Variants in PACS2 observed in about 807,000 individuals in gnomAD.
The protein encoded by PACS2 is phosphofurin acidic cluster sorting protein 2.
In PACS2, 36 loss-of-function variants were observed where a neutral mutation model predicts 113.0. That is an observed-to-expected ratio of 0.32 (90% CI 0.24 to 0.42). The LOEUF (loss-of-function observed/expected upper bound fraction) is 0.42, where lower values mean the gene tolerates loss of function less well. Among genes scored for constraint, PACS2 ranks in the 10% least tolerant of loss-of-function variants. The pLI, the probability that PACS2 is intolerant of heterozygous loss-of-function variation, is 1.00. For synonymous variants in PACS2, 589 were observed against 536.1 expected, an observed-to-expected ratio of 1.10 and a Z score of -1.36; for missense variants, 1,015 against 1,239.5, an observed-to-expected ratio of 0.82 and a Z score of 2.72.
In PACS2 at chr14:105,315,078, G is replaced by A; in HGVS notation, c.119+41G>A. The A allele has an allele frequency of 1.8e-6, 2 of 1,092,118 alleles. No individual in the cohort carries two copies. Among genetic ancestry groups the A allele is most frequent in the Admixed American group, 4.8e-5 (1 of 20,672 alleles). 67.7% of individuals were successfully genotyped at this position (1,092,118 alleles called of 1,614,324 possible). A position where few individuals can be genotyped will look rare whatever the true frequency, so the allele number is the denominator to read the frequency against. On this transcript the variant is annotated intron_variant, in intron 1 of 24. Coordinates refer to ENST00000447393, the MANE Select transcript of PACS2 (RefSeq NM_001100913.3). The surrounding 1 kb of genome is among the most constrained non-coding windows in gnomAD (Gnocchi z 4.4). The stretch of plus-strand genomic sequence containing the variant: ...CGCGCTTTGTTCCCGCCGGGCACCT[G>A]CTGGGGGTGTCCTGGCCGCGGCCTC...
intron 4 of PACS2, among the ~76,000 whole-genome samples, chr14:105,361,682 G>A (rs1009028030): frequency 6.6e-6 from 1 of 152,016 alleles, no homozygotes; most frequent in African/African-American, 2.4e-5. Context: ...GGGTGCAATG[G>A]CTCACGCCGG....
intron 1 of PACS2, among the ~76,000 whole-genome samples, chr14:105,339,915 A>G (rs1259154566): frequency 6.6e-6 from 1 of 152,102 alleles, no homozygotes; most frequent in Non-Finnish European, 1.5e-5. Flanking sequence ...AAGTCCTGGG[A>G]TTACAGGCAT....
intron 8 of PACS2, chr14:105,371,653 A>T (rs2061157941): frequency 6.6e-6 from 1 of 152,202 alleles, no homozygotes; most frequent in Non-Finnish European, 1.5e-5. Flanking sequence ...TAGGAGTGCC[A>T]CACCTGGCAC....
Position 105,330,649 on chromosome 14 carries a change from C to T in PACS2, c.119+15612C>T, listed in dbSNP as rs1485990007. The stretch of plus-strand genomic sequence containing the variant: ...CCTCGCCCCTGTCTCCACGGAGCAC[C>T]GTGGGACTCTGGCATCAGAATCCTG... On this transcript the variant is annotated intron_variant, in intron 1 of 24. Coordinates refer to ENST00000447393, the MANE Select transcript of PACS2 (RefSeq NM_001100913.3). The surrounding 1 kb of genome is among the most constrained non-coding windows in gnomAD (Gnocchi z 6.9). 2.0e-5 allele frequency among the ~76,000 whole-genome samples: 3 copies of T among 152,212 alleles called. No homozygotes were observed. Among genetic ancestry groups the T allele is most frequent in the African/African-American group, 4.8e-5 (2 of 41,460 alleles).
rs1555401306 is a variant in PACS2, at chr14:105,340,076, G to T, written c.120-8417G>T. Among the ~76,000 whole-genome samples the T allele has an allele frequency of 6.6e-6, 1 of 152,228 alleles. No homozygotes were observed. On this transcript the variant is annotated intron_variant, in intron 1 of 24. Coordinates refer to ENST00000447393, the MANE Select transcript of PACS2 (RefSeq NM_001100913.3). This position sits in a 1 kb window ranked among gnomAD's most constrained non-coding sequence, Gnocchi z 4.2. ...TTCCAAGTGTGAGCCACCGCGTCTG[G>T]CTAAGGAGTATTTTCCTTAGCAGAT...
At chr14:105,392,200 T>G (rs2081382864) in intron 22 of PACS2, 3 of 292,586 alleles carry the variant, frequency 1.0e-5, no homozygotes, top group South Asian at 8.4e-5. Flanking sequence ...CCATGGGGGG[T>G]TGTGGGCCCT....
chr14:105,335,050 A>C lies in PACS2; in HGVS notation c.120-13443A>C, dbSNP rs377281425. Among the ~76,000 whole-genome samples the C allele has an allele frequency of 7.8e-4, 119 of 152,366 alleles. 1 individual carries two copies. The East Asian group carries it at 0.015, about 20-fold the overall frequency. Reference sequence around the variant, plus strand: ...CCCTGGGCCTTCGGGTGACTGAGACAGAAGTACAGGCCCAGCAGGTCTGAG... The same window carrying C: ...CCCTGGGCCTTCGGGTGACTGAGACCGAAGTACAGGCCCAGCAGGTCTGAG... On this transcript the variant is annotated intron_variant, in intron 1 of 24. Coordinates refer to ENST00000447393, the MANE Select transcript of PACS2 (RefSeq NM_001100913.3).
intron 21 of PACS2, 112 bp from the exon 22 acceptor site, chr14:105,391,512 TCCCACCC>T: frequency 5.2e-5 from 32 of 611,268 alleles, no homozygotes; most frequent in Non-Finnish European, 7.2e-5. Flanking sequence ...CACTGGGGAC[TCCCACCC>T]TGCCCACCCC....
Position 105,357,743 on chromosome 14 carries a change from G to A in PACS2, c.423+2566G>A, listed in dbSNP as rs1358769193. ...TCTCACCAGCTGGGCTCAGGCAGCT[G>A]TGCCATGGGGGCTTGCTGGCTCCGA... is the stretch of plus-strand genomic sequence containing the variant. On this transcript the variant is annotated intron_variant, in intron 4 of 24. Transcript: ENST00000447393. The surrounding 1 kb of genome is among the most constrained non-coding windows in gnomAD (Gnocchi z 5.1). Among the ~76,000 whole-genome samples, 6 of 152,198 alleles carry A rather than the reference G, an allele frequency of 3.9e-5. No homozygotes were observed. Among genetic ancestry groups the A allele is most frequent in the Admixed American group, 3.9e-4 (6 of 15,292 alleles).
intron 9 of PACS2, among the ~76,000 whole-genome samples, chr14:105,377,818 G>A (rs587617759): frequency 5.9e-5 from 9 of 152,358 alleles, no homozygotes; most frequent in Admixed American, 2.6e-4. Context: ...TCTGGAGATT[G>A]CCATCCCGAG....
In PACS2 at chr14:105,356,340, C is replaced by T. The variant is rs140794563; in HGVS notation, c.423+1163C>T. 2.0e-5 allele frequency among the ~76,000 whole-genome samples: 3 copies of T among 152,328 alleles called. No homozygotes were observed. Among genetic ancestry groups the T allele is most frequent in the East Asian group, 3.9e-4 (2 of 5,186 alleles). On this transcript the variant is annotated intron_variant, in intron 4 of 24. Transcript: ENST00000447393. This position sits in a 1 kb window ranked among gnomAD's most constrained non-coding sequence, Gnocchi z 4.0. ...TGGAGGGTACAGGAAGCAGCAGTGGCGTCCCGAGGCCTCGCTTCTCCGTGC... is the reference window on the plus strand; with the variant it reads ...TGGAGGGTACAGGAAGCAGCAGTGGTGTCCCGAGGCCTCGCTTCTCCGTGC...
At chr14:105,392,493 GC>G in intron 22 of PACS2, 125 bp from the exon 23 acceptor site, 1 of 762,070 alleles carries the variant, frequency 1.3e-6, no homozygotes, top group African/African-American at 1.7e-5. Flanking sequence ...CAAGCACCCG[GC>G]CCTCCTCTGC....
At chr14:105,326,973 C>T (rs764095294) in intron 1 of PACS2, among the ~76,000 whole-genome samples, 3 of 152,196 alleles carry the variant, frequency 2.0e-5, no homozygotes, top group African/African-American at 4.8e-5. Flanking sequence ...TAAAGGTTGT[C>T]GCGCCTTGGA....
At chr14:105,353,129 C>T (rs1555404509) in intron 3 of PACS2, among the ~76,000 whole-genome samples, 2 of 131,764 alleles carry the variant, frequency 1.5e-5, no homozygotes, top group African/African-American at 2.9e-5. Flanking sequence ...CGGGCACCCC[C>T]TCATCACTGT....
intron 1 of PACS2, among the ~76,000 whole-genome samples, chr14:105,332,306 C>T (rs964985981): frequency 1.3e-5 from 2 of 152,218 alleles, no homozygotes; most frequent in African/African-American, 2.4e-5. Context: ...TGGTCCTCCC[C>T]TCTGTGGGCT....
At chr14:105,393,870 C>A (rs1483599890) in intron 24 of PACS2, among the ~76,000 whole-genome samples, 1 of 151,884 alleles carries the variant, frequency 6.6e-6, no homozygotes, top group Non-Finnish European at 1.5e-5. Context: ...GGATTATGGG[C>A]GCGAGCCACC....
At chr14:105,352,868 G>A (rs1293817850) in intron 3 of PACS2, among the ~76,000 whole-genome samples, 7 of 111,536 alleles carry the variant, frequency 6.3e-5, no homozygotes, top group Admixed American at 9.5e-5. Context: ...CTGGGGAGAC[G>A]GGCACGCCTC....
intron 1 of PACS2, among the ~76,000 whole-genome samples, chr14:105,327,007 C>T (rs952151516): frequency 1.3e-5 from 2 of 152,210 alleles, no homozygotes; most frequent in African/African-American, 2.4e-5. Context: ...ACACCCGAAT[C>T]GACGCACTCT....
intron 22 of PACS2, 124 bp downstream of exon 22, chr14:105,391,890 G>A (rs373311368): frequency 3.1e-5 from 32 of 1,028,392 alleles, no homozygotes; most frequent in Non-Finnish European, 3.9e-5. Context: ...CCACGAAGGC[G>A]GAGGGGCTCT....
Sources: allele counts gnomAD v4.1 joint callset (sites outside exome capture counted in the v4.1 genomes callset), GRCh38; gene constraint gnomAD v4.1.1; non-coding constraint Gnocchi (gnomAD v3.1); transcripts MANE v1.5; gene names NCBI Gene and HGNC (gene_info 2026-07-23, HGNC 2026-07-21).